Variants in SLC17A9 observed in about 807,000 individuals in gnomAD.
SLC17A9 encodes voltage-gated purine nucleotide uniporter SLC17A9.
Under a neutral mutation model 55.0 loss-of-function variants are expected in SLC17A9, and 49 were observed. That is an observed-to-expected ratio of 0.89 (90% confidence interval 0.71 to 1.13). The LOEUF is 1.13. Ranked by LOEUF, SLC17A9 falls within the 50% of genes most tolerant of loss-of-function variation. The pLI is 0.00. For synonymous variants in SLC17A9, 256 were observed against 247.4 expected (o/e 1.03, Z -0.32); for missense variants, 526 against 569.3 (o/e 0.92, Z 0.77).
rs1260672701 is a variant in SLC17A9, at chr20:62,958,788, G to A, written c.397+1208G>A. On this transcript the variant is annotated intron_variant, in intron 3 of 12. Transcript: ENST00000370351. This position sits in a 1 kb window ranked among gnomAD's most constrained non-coding sequence, Gnocchi z 4.1. Reference sequence around the variant, plus strand: ...TTATGGCCTGGAAGGTGCTGCCTGGGACTGTCTCCATAACAGAGGAAGGGG... The same window carrying A: ...TTATGGCCTGGAAGGTGCTGCCTGGAACTGTCTCCATAACAGAGGAAGGGG... 2.0e-5 allele frequency among the ~76,000 whole-genome samples: 3 copies of A among 152,210 alleles called. No individual in the cohort carries two copies. The highest frequency in any genetic ancestry group is 7.2e-5 in the African/African-American group (3 of 41,446).
intron 12 of SLC17A9, chr20:62,967,072 C>T (rs528618416): frequency 2.4e-5 from 14 of 579,850 alleles, no homozygotes; most frequent in African/African-American, 1.7e-4. Context: ...CGGCCTGTGG[C>T]TCCCATTTTC....
intron 11 of SLC17A9, 39 bp from the exon 12 acceptor site, chr20:62,966,664 T>A (rs757729486): frequency 6.2e-7 from 1 of 1,613,850 alleles, no homozygotes; most frequent in Admixed American, 1.7e-5. Context: ...GGGCTTTTGC[T>A]GACCATCCAT....
chr20:62,953,060 G>A (rs951835485), intron 1 of SLC17A9, 171 bp downstream of exon 1: 3 of 1,194,340 alleles, frequency 2.5e-6, no homozygotes, highest in African/African-American at 1.5e-5. Context: ...GGAAGTGAGT[G>A]CCCTGTCCTT....
chr20:62,964,644 G>C (rs565067322), intron 8 of SLC17A9, among the ~76,000 whole-genome samples: 2 of 152,320 alleles, frequency 1.3e-5, no homozygotes, highest in African/African-American at 4.8e-5. Context: ...CCAGACCCAC[G>C]CTGGGATGAG....
intron 7 of SLC17A9, 147 bp downstream of exon 7, chr20:62,963,827 C>A: frequency 1.4e-6 from 1 of 738,578 alleles, no homozygotes; most frequent in Non-Finnish European, 2.2e-6. Flanking sequence ...CAGGCTCTTC[C>A]TCTGGAGAGG....
chr20:62,966,928 G>A, intron 12 of SLC17A9, 196 bp downstream of exon 12: 2 of 659,008 alleles, frequency 3.0e-6, no homozygotes, highest in South Asian at 4.2e-5. Flanking sequence ...ACGGCAGGTG[G>A]CTCATGAGTC....
intron 10 of SLC17A9, among the ~76,000 whole-genome samples, chr20:62,966,297 G>A (rs557132970): frequency 4.6e-4 from 58 of 126,866 alleles, no homozygotes; most frequent in South Asian, 9.0e-4. Flanking sequence ...GTTGGGGCTC[G>A]GGTTGGCGTG....
intron 1 of SLC17A9, 50 bp from the exon 2 acceptor site, chr20:62,956,715 C>G: frequency 6.5e-7 from 1 of 1,544,530 alleles, no homozygotes; most frequent in Non-Finnish European, 8.8e-7. Context: ...GAACTCGAAG[C>G]AGCAGGGCCG....
rs1396836275 is a variant in SLC17A9, at chr20:62,963,566, C to T, written c.726-18C>T. The T allele has an allele frequency of 5.7e-6, 9 of 1,580,174 alleles. No homozygotes were observed. Among genetic ancestry groups the T allele is most frequent in the East Asian group, 2.3e-5 (1 of 43,282 alleles). On this transcript the variant is annotated intron_variant, in intron 6 of 12. Transcript: ENST00000370351. ...CTCGTGCGGCACCAGAGTCACGGTC[C>T]ACCATTGGGCCCCGCAGGGCAGCCG...
Position 62,956,868 on chromosome 20 carries a change from T to G in SLC17A9, c.163T>G (p.Phe55Val). 1 of 1,613,558 alleles carries G rather than the reference T, an allele frequency of 6.2e-7. No individual in the cohort carries two copies. The highest frequency in any genetic ancestry group is 8.5e-7 in the Non-Finnish European group (1 of 1,180,006). ...CTGCACCGTCTCCATGAGCCAGGAC[T>G]TCGGCTGGAACAAGAAGGAGGCCGG... ...PICTVSMSQDFGWNKKEAGIV... is the reference protein window; with the variant it reads ...PICTVSMSQDVGWNKKEAGIV... The change falls in exon 2 of 13, where the codon TTC (phenylalanine) becomes GTC (valine). Residue 55 changes from phenylalanine to valine, a missense_variant. By Grantham distance (50) the Phe-to-Val change is conservative (BLOSUM62 -1). Transcript: ENST00000370351.
At chr20:62,966,456 C>A in intron 10 of SLC17A9, 69 bp from the exon 11 acceptor site, 2 of 1,556,482 alleles carry the variant, frequency 1.3e-6, no homozygotes, top group Admixed American at 1.8e-5. Flanking sequence ...CCCGCTTCCC[C>A]TGTGACAACC....
chr20:62,963,800 G>C, intron 7 of SLC17A9, 120 bp downstream of exon 7: 3 of 918,086 alleles, frequency 3.3e-6, no homozygotes, highest in Non-Finnish European at 3.3e-6. Flanking sequence ...CCTGGACTCT[G>C]AGGGTCCTGG....
intron 1 of SLC17A9, among the ~76,000 whole-genome samples, chr20:62,955,322 A>G (rs1465261384): frequency 6.6e-6 from 1 of 151,200 alleles, no homozygotes; most frequent in Non-Finnish European, 1.5e-5. Context: ...TAATTTTTAC[A>G]TTTTTAGTAG....
rs113277747 is a variant in SLC17A9, at chr20:62,956,954, C to T, written c.249C>T (p.Leu83=). 1.9e-5 allele frequency: 31 copies of T among 1,613,314 alleles called. 1 individual carries two copies. The African/African-American group carries it at 2.1e-4, about 11-fold the overall frequency. The change falls in exon 2 of 13, where the codon CTC becomes CTT. Residue 83 remains leucine, a synonymous_variant. Transcript: ENST00000370351. ...YCLTQVVGGH[L]GDRIGGEKVI... is the part of the protein sequence containing the mutation. ...TGACACAGGTTGTGGGCGGCCACCT[C>T]GGGGATCGGTAACTGCCCATCTTCC...
chr20:62,960,559 G>C lies in SLC17A9; in HGVS notation c.453G>C (p.Glu151Asp), dbSNP rs1006773411. Residue 151 changes from glutamate to aspartate, a missense_variant, in exon 4 of 13, where the codon GAG (glutamate) becomes GAC (aspartate). Coordinates refer to ENST00000370351, the MANE Select transcript of SLC17A9 (RefSeq NM_022082.4). ...TGTCGCAGAAGGTGCGGGAGAGTGA[G>C]CGAGCCTTCACCTACAGCATCGTGG... ...SLLSQKVRES[E>D]RAFTYSIVGA... 4 of 1,613,628 alleles carry C rather than the reference G, an allele frequency of 2.5e-6. No individual in the cohort carries two copies. The highest frequency in any genetic ancestry group is 1.3e-5 in the African/African-American group (1 of 75,076).
At chr20:62,966,394 G>A in intron 10 of SLC17A9, 131 bp from the exon 11 acceptor site, 1 of 994,884 alleles carries the variant, frequency 1.0e-6, no homozygotes, top group Non-Finnish European at 1.5e-6. Context: ...TGGCCAGGGA[G>A]CAGGCCTGAG....
In SLC17A9 at chr20:62,952,820, C is replaced by T; in HGVS notation, c.-11C>T. On this transcript the variant is annotated 5_prime_UTR_variant, in exon 1 of 13. Coordinates refer to ENST00000370351, the MANE Select transcript of SLC17A9 (RefSeq NM_022082.4). ...CAGCTGTGCCCACGCCGTCTGAGCA[C>T]CCCAAGCCCGATGCAGCCACCCCCA... 6.5e-7 allele frequency: 1 copy of T among 1,534,876 alleles called. No individual in the cohort carries two copies.
chr20:62,957,051 G>A (rs1450187490), intron 2 of SLC17A9, 89 bp downstream of exon 2: 26 of 1,549,964 alleles, frequency 1.7e-5, no homozygotes, highest in Non-Finnish European at 2.1e-5. Context: ...GCTGCTGCAC[G>A]CAGAGGATGC....
At position 62,962,446 on chromosome 20, in the gene SLC17A9, C is replaced by A; in HGVS notation, c.498-178C>A. ...GTGTGCCCGGAGTCTCCCCTGAGTA[C>A]CCGAAGTCCTTAACAAAACAGGCCA... On this transcript the variant is annotated intron_variant, in intron 4 of 12. Transcript: ENST00000370351. This position sits in a 1 kb window ranked among gnomAD's most constrained non-coding sequence, Gnocchi z 5.5. The A allele has an allele frequency of 1.5e-6, 1 of 680,094 alleles. No homozygotes were observed. Among genetic ancestry groups the A allele is most frequent in the South Asian group, 2.0e-5 (1 of 50,490 alleles). The allele number at this position is 680,094 out of a possible 1,614,324, so 42.1% of individuals were successfully genotyped here.
Sources: gnomAD v4.1 joint callset for allele counts (sites outside exome capture counted in the v4.1 genomes callset) on GRCh38, gnomAD v4.1.1 for gene constraint, Gnocchi (gnomAD v3.1) non-coding constraint, MANE v1.5 for transcripts, NCBI Gene and HGNC (gene_info 2026-07-23, HGNC 2026-07-21) for gene names.